Variants in CNR2 observed in about 807,000 individuals in gnomAD.
CNR2 encodes the protein cannabinoid receptor 2.
For missense variants in CNR2, 379 were observed against 439.9 expected (o/e 0.86, Z 1.24); for synonymous variants, 172 against 182.2 (o/e 0.94, Z 0.45).
chr1:23,912,358 G>A (rs571851422), intron 1 of CNR2, among the ~76,000 whole-genome samples: 3 of 152,326 alleles, frequency 2.0e-5, no homozygotes, highest in South Asian at 4.1e-4. Flanking sequence ...TCTATAAAAT[G>A]AGAGCGCAGG....
intron 1 of CNR2, among the ~76,000 whole-genome samples, chr1:23,889,030 C>T (rs1392042255): frequency 1.3e-5 from 2 of 152,038 alleles, no homozygotes; most frequent in African/African-American, 2.4e-5. Flanking sequence ...ATGACCAAGT[C>T]CTTTCTTCAC....
rs1382338122 is a variant in CNR2 at position 23,873,755 on chromosome 1, T to C, written c.*780A>G. On this transcript the variant is annotated 3_prime_UTR_variant, in exon 2 of 2. Coordinates refer to ENST00000374472, the MANE Select transcript of CNR2 (RefSeq NM_001841.3). ...ATCTTTGTGAATATCTTCCTTTTTT[T>C]CTTCGAGTTAGGTTAGACTAGGACA... is the stretch of plus-strand genomic sequence containing the variant. 1 of 152,196 alleles carries C rather than the reference T, an allele frequency of 6.6e-6. No individual in the cohort carries two copies. The highest frequency in any genetic ancestry group is 1.5e-5 in the Non-Finnish European group (1 of 68,028). The allele number at this position is 152,196 out of a possible 1,614,324, so 9.4% of individuals were successfully genotyped here.
At chr1:23,892,318 T>TATC (rs1640205500) in intron 1 of CNR2, among the ~76,000 whole-genome samples, 1 of 152,144 alleles carries the variant, frequency 6.6e-6, no homozygotes, top group African/African-American at 2.4e-5. Context: ...GGGAGGTTTA[T>TATC]TGATATAAGG....
intron 1 of CNR2, among the ~76,000 whole-genome samples, chr1:23,906,181 TCA>T (rs1458797890): frequency 6.6e-6 from 1 of 152,040 alleles, no homozygotes; most frequent in African/African-American, 2.4e-5. Context: ...TCTTCCCCCC[TCA>T]GACTCTCTAG....
chr1:23,876,783 C>T (rs1170859465), intron 1 of CNR2, among the ~76,000 whole-genome samples: 2 of 148,132 alleles, frequency 1.4e-5, no homozygotes, highest in East Asian at 2.0e-4. Flanking sequence ...TGCAGTGAGC[C>T]GAGACTGTGC....
intron 1 of CNR2, among the ~76,000 whole-genome samples, chr1:23,899,915 AAGAAAGAGAAAGAAAG>A (rs768284059): frequency 0.28 from 2,528 of 8,896 alleles, 187 homozygotes; most frequent in East Asian, 0.46. Flanking sequence ...AAGAGAAAGA[AAGAAAGAGAAAGAAAG>A]AGAAAGAAAG....
chr1:23,902,981 C>G (rs1227446139), intron 1 of CNR2, among the ~76,000 whole-genome samples: 1 of 151,584 alleles, frequency 6.6e-6, no homozygotes, highest in Non-Finnish European at 1.5e-5. Flanking sequence ...GCCCTCGCGC[C>G]GCGCCGGGGC....
intron 1 of CNR2, chr1:23,907,971 C>G (rs1419121715): frequency 7.2e-6 from 1 of 139,488 alleles, no homozygotes; most frequent in African/African-American, 2.6e-5. Flanking sequence ...TCTATCACCA[C>G]TAACTACTGC....
At chr1:23,878,152 T>G (rs1355217018) in intron 1 of CNR2, among the ~76,000 whole-genome samples, 1 of 151,994 alleles carries the variant, frequency 6.6e-6, no homozygotes, top group East Asian at 1.9e-4. Flanking sequence ...GAGGTAGTAG[T>G]AAAGAATTAT....
rs569907357 is a variant in CNR2 at position 23,902,533 on chromosome 1, C to A, written c.-46+10713G>T. The A allele has an allele frequency of 9.4e-5, 151 of 1,608,550 alleles. 2 individuals are homozygous for A. In the African/African-American group the frequency reaches 1.9e-3, roughly 20 times the overall value. ...TACTTTAATAGGATCAGAAAGGCTG[C>A]GGGCTCCACGTCTGGAATGTGAATT... On this transcript the variant is annotated intron_variant, in intron 1 of 1. Transcript: ENST00000374472.
intron 1 of CNR2, among the ~76,000 whole-genome samples, chr1:23,896,157 C>G (rs564558862): frequency 6.6e-6 from 1 of 152,298 alleles, no homozygotes; most frequent in South Asian, 2.1e-4. Context: ...CATGAGCCAC[C>G]ACACCCTGCC....
At chr1:23,877,818 G>A (rs912698047) in intron 1 of CNR2, among the ~76,000 whole-genome samples, 19 of 151,902 alleles carry the variant, frequency 1.3e-4, no homozygotes, top group African/African-American at 3.1e-4. Flanking sequence ...AAAATTAGCC[G>A]GGCACGATGG....
At chr1:23,876,041 T>G (rs1386838192) in intron 1 of CNR2, among the ~76,000 whole-genome samples, 1 of 152,168 alleles carries the variant, frequency 6.6e-6, no homozygotes, top group Non-Finnish European at 1.5e-5. Context: ...GTTTTTTTGT[T>G]TGTTTTACAT....
intron 1 of CNR2, among the ~76,000 whole-genome samples, chr1:23,881,686 C>T (rs1038411496): frequency 1.3e-5 from 2 of 151,184 alleles, no homozygotes; most frequent in African/African-American, 4.9e-5. Flanking sequence ...GTAGGGAGTT[C>T]GAGATCAGCC....
At chr1:23,902,602 A>G (rs1640419134) in intron 1 of CNR2, 17 of 1,604,800 alleles carry the variant, frequency 1.1e-5, no homozygotes, top group Non-Finnish European at 1.4e-5. Flanking sequence ...ATGGCATAGA[A>G]GACGGAGCTG....
At chr1:23,895,567 C>T (rs1230365339) in intron 1 of CNR2, among the ~76,000 whole-genome samples, 14 of 152,022 alleles carry the variant, frequency 9.2e-5, no homozygotes, top group Admixed American at 8.5e-4. Context: ...AGTGCAGTGG[C>T]GTGATCTCAG....
rs1035874470 is a variant in CNR2 at position 23,907,526 on chromosome 1, T to G, written c.-46+5720A>C. 2.6e-5 allele frequency among the ~76,000 whole-genome samples: 4 copies of G among 151,784 alleles called. No homozygotes were observed. In the East Asian group the frequency reaches 5.8e-4, roughly 22 times the overall value. ...TTTTTTTTGAGGTGGAGTCTTGCTTTGTTGCCCGGGCTGAAGTGCAGTGGC... is the reference window on the plus strand; with the variant it reads ...TTTTTTTTGAGGTGGAGTCTTGCTTGGTTGCCCGGGCTGAAGTGCAGTGGC... On this transcript the variant is annotated intron_variant, in intron 1 of 1. Coordinates refer to ENST00000374472, the MANE Select transcript of CNR2 (RefSeq NM_001841.3).
At chr1:23,902,398 C>T in intron 1 of CNR2, 1 of 1,588,228 alleles carries the variant, frequency 6.3e-7, no homozygotes, top group Non-Finnish European at 8.6e-7. Flanking sequence ...AGACTTGTCC[C>T]CAGAAAGTTG....
chr1:23,900,521 T>C (rs78402110), intron 1 of CNR2, among the ~76,000 whole-genome samples: 131 of 150,812 alleles, frequency 8.7e-4, no homozygotes, highest in African/African-American at 3.0e-3. Context: ...TTTTTTTTTT[T>C]TTTTGAGACA....
Sources: allele counts gnomAD v4.1 joint callset (sites outside exome capture counted in the v4.1 genomes callset), GRCh38; gene constraint gnomAD v4.1.1; transcripts MANE v1.5; gene names NCBI Gene and HGNC (gene_info 2026-07-23, HGNC 2026-07-21).